STK26: variants seen among roughly 807,000 people sequenced by gnomAD.
The protein encoded by STK26 is serine/threonine-protein kinase 26.
Under a neutral mutation model 34.7 loss-of-function variants are expected in STK26, and 14 were observed. The ratio of observed to expected loss-of-function variants is 0.40; its 90% CI spans 0.27 to 0.63. The LOEUF is 0.63. Ranked by LOEUF, STK26 falls within the 30% of genes least tolerant of loss-of-function variation. The pLI is 0.38. For synonymous variants in STK26, 100 were observed against 109.8 expected (o/e 0.91, Z 0.56); for missense variants, 226 against 309.1 (o/e 0.73, Z 2.02).
chrX:132,038,741 C>A (rs1469923461), intron 2 of STK26, among the ~76,000 whole-genome samples: 2 of 106,881 alleles, frequency 1.9e-5, no homozygotes, highest in African/African-American at 7.0e-5. Flanking sequence ...GTTATTTTTC[C>A]AGTAGGTTCT....
At chrX:132,042,067 G>A (rs1926286638) in intron 2 of STK26, among the ~76,000 whole-genome samples, 1 of 111,356 alleles carries the variant, frequency 9.0e-6, no homozygotes, top group African/African-American at 3.3e-5. Context: ...AGCAATGTCA[G>A]CACAGATCAA....
At chrX:132,039,495 G>C (rs1308894877) in intron 2 of STK26, among the ~76,000 whole-genome samples, 1 of 111,412 alleles carries the variant, frequency 9.0e-6, no homozygotes, top group Admixed American at 9.6e-5. Context: ...TAATCCTTAA[G>C]CTCTAAAACT....
chrX:132,039,238 A>AT (rs1431472554), intron 2 of STK26, among the ~76,000 whole-genome samples: 2 of 111,513 alleles, frequency 1.8e-5, no homozygotes, highest in Non-Finnish European at 3.8e-5. Flanking sequence ...GATAAAGTAC[A>AT]TTTTAGATAT....
intron 7 of STK26, 57 bp from the exon 8 acceptor site, chrX:132,071,012 T>A: frequency 9.0e-7 from 1 of 1,112,889 alleles, no homozygotes; most frequent in East Asian, 3.0e-5. Flanking sequence ...TTACCATTCC[T>A]TGTAATCATA....
rs1312564294 is a variant in STK26, at chrX:132,075,185, T to C, written c.*1026T>C. Reference sequence around the variant, plus strand: ...GAGCATTTTCTAGTTCATATGAAAATAACCATAGTACAGGATGATTTCTGT... The same window carrying C: ...GAGCATTTTCTAGTTCATATGAAAACAACCATAGTACAGGATGATTTCTGT... On this transcript the variant is annotated 3_prime_UTR_variant, in exon 12 of 12. Coordinates refer to ENST00000394334, the MANE Select transcript of STK26 (RefSeq NM_016542.4). 2 of 111,929 alleles carry C rather than the reference T, an allele frequency of 1.8e-5. No homozygotes were observed. The highest frequency in any genetic ancestry group is 3.8e-5 in the Non-Finnish European group (2 of 53,008). 9.2% of individuals were successfully genotyped at this position (111,929 alleles called of 1,213,427 possible).
chrX:132,071,233 T>C lies in STK26; in HGVS notation c.932+16T>C. The C allele has an allele frequency of 8.3e-7, 1 of 1,198,670 alleles. No homozygotes were observed. The highest frequency in any genetic ancestry group is 1.7e-5 in the African/African-American group (1 of 57,359). ...GCTCTGATTCGTATGTACAAATTAT[T>C]TAATTTTTATGTAGGCAGCCTATTT... On this transcript the variant is annotated intron_variant, in intron 8 of 11. Transcript: ENST00000394334.
rs768453960 is a variant in STK26, at chrX:132,070,827, C to T, written c.784-242C>T. 6.0e-3 allele frequency among the ~76,000 whole-genome samples: 683 copies of T among 112,956 alleles called. 5 individuals carry two copies. Among genetic ancestry groups the T allele is most frequent in the African/African-American group, 0.021 (642 of 31,148 alleles). ...GCCTGCCAGTTTGCTGGTGGGTAAGCCACCTGCTGCCCGTTGGGCTTTAAC... is the reference window on the plus strand; with the variant it reads ...GCCTGCCAGTTTGCTGGTGGGTAAGTCACCTGCTGCCCGTTGGGCTTTAAC... On this transcript the variant is annotated intron_variant, in intron 7 of 11. Transcript: ENST00000394334.
At chrX:132,055,545 G>T (rs1926829002) in intron 3 of STK26, 1 of 1,106,972 alleles carries the variant, frequency 9.0e-7, no homozygotes. Context: ...AGTGGTCCTT[G>T]GGTTCCAGAG....
intron 9 of STK26, 114 bp from the exon 10 acceptor site, chrX:132,072,699 T>A: frequency 1.3e-6 from 1 of 776,563 alleles, no homozygotes; most frequent in Non-Finnish European, 1.9e-6. Context: ...TTGCCTTGCA[T>A]ACAATCTTTT....
chrX:132,027,919 G>C (rs767133710), intron 2 of STK26, among the ~76,000 whole-genome samples: 4 of 107,980 alleles, frequency 3.7e-5, no homozygotes, highest in Middle Eastern at 4.7e-3. Flanking sequence ...GCAGTGGCGC[G>C]ATCACAGCTG....
intron 2 of STK26, among the ~76,000 whole-genome samples, chrX:132,051,637 G>A (rs189740330): frequency 1.3e-4 from 14 of 111,167 alleles, no homozygotes; most frequent in East Asian, 8.4e-4. Flanking sequence ...TGGGGTACAC[G>A]TGCACAACGT....
chrX:132,025,985 A>G (rs938851980), intron 2 of STK26, among the ~76,000 whole-genome samples: 2 of 112,023 alleles, frequency 1.8e-5, no homozygotes, highest in African/African-American at 6.5e-5. Flanking sequence ...TGTTCTTGAA[A>G]TTACTGTATA....
chrX:132,035,648 A>G (rs1299366017), intron 2 of STK26, among the ~76,000 whole-genome samples: 2 of 109,633 alleles, frequency 1.8e-5, no homozygotes, highest in African/African-American at 6.6e-5. Context: ...CTTATTAAGA[A>G]CATGAAATCT....
intron 2 of STK26, among the ~76,000 whole-genome samples, chrX:132,028,388 C>A (rs939350740): frequency 2.7e-5 from 3 of 111,531 alleles, no homozygotes; most frequent in African/African-American, 9.8e-5. Flanking sequence ...TGGGGAAGAG[C>A]CAGATCTGGT....
chrX:132,025,533 ATACTT>A (rs1935080761), intron 2 of STK26, among the ~76,000 whole-genome samples: 1 of 111,333 alleles, frequency 9.0e-6, no homozygotes, highest in African/African-American at 3.3e-5. Flanking sequence ...TGTGAATCAT[ATACTT>A]TAAATTACAA....
Position 132,068,454 on chromosome X carries a change from C to A in STK26, c.482C>A (p.Ala161Asp). The change falls in exon 6 of 12, where the codon GCT becomes GAT. Residue 161 changes from alanine (A) to aspartate (D), a missense_variant. Physicochemically the swap from Ala to Asp is moderately radical, Grantham distance 126 (BLOSUM62 -2). Transcript: ENST00000394334. The stretch of plus-strand genomic sequence containing the variant: ...TCAGAACAAGGAGATGTTAAACTTG[C>A]TGATTTTGGAGTTGCTGGTCAGCTG... ...LLSEQGDVKLADFGVAGQLTD... is the reference protein window; with the variant it reads ...LLSEQGDVKLDDFGVAGQLTD... 8.3e-7 allele frequency: 1 copy of A among 1,210,950 alleles called. No homozygotes were observed. Among genetic ancestry groups the A allele is most frequent in the Non-Finnish European group, 1.1e-6 (1 of 895,167 alleles).
At chrX:132,041,646 T>C (rs1038401149) in intron 2 of STK26, among the ~76,000 whole-genome samples, 2 of 110,858 alleles carry the variant, frequency 1.8e-5, no homozygotes, top group African/African-American at 6.5e-5. Context: ...AATCACTCAG[T>C]ATAAAATTTA....
chrX:132,043,603 T>C, intron 2 of STK26, among the ~76,000 whole-genome samples: 1 of 111,745 alleles, frequency 8.9e-6, no homozygotes, highest in South Asian at 3.7e-4. Context: ...ACCTGACGCC[T>C]GGTTGAATTG....
intron 4 of STK26, among the ~76,000 whole-genome samples, chrX:132,066,400 G>A (rs1927223594): frequency 8.9e-6 from 1 of 112,113 alleles, no homozygotes; most frequent in Non-Finnish European, 1.9e-5. Flanking sequence ...AGATCCATGA[G>A]CTCACAAATG....
Sources: gnomAD v4.1 joint callset for allele counts (sites outside exome capture counted in the v4.1 genomes callset) on GRCh38, gnomAD v4.1.1 for gene constraint, MANE v1.5 for transcripts, NCBI Gene and HGNC (gene_info 2026-07-23, HGNC 2026-07-21) for gene names.